The following PACRG variants were observed in gnomAD, a reference collection of about 807,000 sequenced individuals.
The protein encoded by PACRG is parkin coregulated gene protein.
A neutral mutation model predicts 29.7 loss-of-function variants in PACRG; 29 were observed. The ratio of observed to expected loss-of-function variants is 0.98; its 90% CI spans 0.73 to 1.33. The LOEUF is 1.33. Among genes scored for constraint, PACRG ranks in the 40% most tolerant of loss-of-function variants. The pLI is 0.00. For missense variants in PACRG, 279 were observed against 316.2 expected (o/e 0.88, Z 0.89); for synonymous variants, 116 against 118.7 (o/e 0.98, Z 0.15).
At chr6:163,125,037 T>G (rs1037739568) in intron 4 of PACRG, among the ~76,000 whole-genome samples, 1 of 152,294 alleles carries the variant, frequency 6.6e-6, no homozygotes. Context: ...AGCAATGCAA[T>G]TGTGCAACGG....
intron 2 of PACRG, among the ~76,000 whole-genome samples, chr6:162,880,643 C>A (rs1020115179): frequency 6.6e-6 from 1 of 152,168 alleles, no homozygotes; most frequent in Non-Finnish European, 1.5e-5. Context: ...GACTATTAAA[C>A]AAGAATGCTT....
chr6:163,220,578 A>G (rs1781545560), intron 4 of PACRG, among the ~76,000 whole-genome samples: 1 of 152,230 alleles, frequency 6.6e-6, no homozygotes, highest in Non-Finnish European at 1.5e-5. Flanking sequence ...ATGATAAATT[A>G]AATTAGGTAA....
intron 2 of PACRG, among the ~76,000 whole-genome samples, chr6:162,967,865 T>G (rs1415152228): frequency 6.6e-6 from 1 of 152,186 alleles, no homozygotes; most frequent in Non-Finnish European, 1.5e-5. Flanking sequence ...CAAAAATGAG[T>G]CTATCAAACA....
At chr6:162,765,496 GGTGACCT>G (rs1782712593) in intron 1 of PACRG, among the ~76,000 whole-genome samples, 1 of 152,040 alleles carries the variant, frequency 6.6e-6, no homozygotes, top group Admixed American at 6.6e-5. Context: ...CCACTTGACC[GGTGACCT>G]GTGTCCATTC....
intron 4 of PACRG, among the ~76,000 whole-genome samples, chr6:163,177,205 G>C (rs1779403716): frequency 6.6e-6 from 1 of 152,210 alleles, no homozygotes; most frequent in Admixed American, 6.5e-5. Context: ...GGCCCAGGGA[G>C]ATAGAGACAG....
chr6:163,272,988 T>G (rs972737491), intron 4 of PACRG, among the ~76,000 whole-genome samples: 6 of 136,242 alleles, frequency 4.4e-5, no homozygotes, highest in Non-Finnish European at 9.3e-5. Flanking sequence ...GCCTCCCGGG[T>G]TCACGCCATT....
At chr6:163,020,292 G>A (rs1187502582) in intron 2 of PACRG, among the ~76,000 whole-genome samples, 1 of 152,158 alleles carries the variant, frequency 6.6e-6, no homozygotes, top group East Asian at 1.9e-4. Flanking sequence ...CACCTTGTCA[G>A]TTACAGGGAA....
intron 1 of PACRG, among the ~76,000 whole-genome samples, chr6:162,788,351 T>C (rs552174461): frequency 6.6e-6 from 1 of 152,326 alleles, no homozygotes; most frequent in East Asian, 1.9e-4. Context: ...AGCTCATTTG[T>C]TTTTTAGTGC....
intron 3 of PACRG, among the ~76,000 whole-genome samples, chr6:163,065,484 G>C (rs1811457040): frequency 6.6e-6 from 1 of 152,294 alleles, no homozygotes; most frequent in Admixed American, 6.5e-5. Context: ...AGAGGGCAGA[G>C]AGGGGCCAAG....
intron 4 of PACRG, among the ~76,000 whole-genome samples, chr6:163,126,938 G>A (rs1479768740): frequency 6.6e-6 from 1 of 152,156 alleles, no homozygotes; most frequent in Admixed American, 6.5e-5. Context: ...AGGGAGGGTG[G>A]AAACACAGGT....
intron 4 of PACRG, among the ~76,000 whole-genome samples, chr6:163,306,987 T>C (rs974016333): frequency 1.2e-3 from 177 of 152,356 alleles, no homozygotes; most frequent in African/African-American, 4.2e-3. Flanking sequence ...TTGAATAGTA[T>C]AGCTACTAAG....
chr6:163,127,779 C>T (rs1816576482), intron 4 of PACRG, among the ~76,000 whole-genome samples: 1 of 152,174 alleles, frequency 6.6e-6, no homozygotes, highest in Admixed American at 6.5e-5. Flanking sequence ...ACACAATGTG[C>T]CATAACTTCC....
At chr6:163,021,744 T>C (rs1806642457) in intron 2 of PACRG, among the ~76,000 whole-genome samples, 2 of 152,200 alleles carry the variant, frequency 1.3e-5, no homozygotes, top group Admixed American at 6.5e-5. Context: ...TCCCGAATTC[T>C]GCAGTTCCCC....
intron 4 of PACRG, among the ~76,000 whole-genome samples, chr6:163,290,209 C>A (rs959812948): frequency 6.6e-6 from 1 of 152,060 alleles, no homozygotes; most frequent in Non-Finnish European, 1.5e-5. Context: ...CACGGCCAAT[C>A]CCCACCCTGT....
At chr6:163,181,316 C>G (rs56313918) in intron 4 of PACRG, among the ~76,000 whole-genome samples, 1 of 152,204 alleles carries the variant, frequency 6.6e-6, no homozygotes, top group South Asian at 2.1e-4. Context: ...GACCCACACA[C>G]TCAGCCCCGA....
chr6:162,938,614 C>G lies in PACRG; in HGVS notation c.292-123536C>G, dbSNP rs139628186. ...GTGGCTGTACTAGTTTACACTCCCA[C>G]CAGCAGTGTAGAAGTGTTCCCTGTT... On this transcript the variant is annotated intron_variant, in intron 2 of 4. Coordinates refer to ENST00000366888, the MANE Select transcript of PACRG (RefSeq NM_001080379.2). Among the ~76,000 whole-genome samples, 1,368 of 152,284 alleles carry G rather than the reference C, an allele frequency of 9.0e-3. 15 individuals carry two copies. Among genetic ancestry groups the G allele is most frequent in the African/African-American group, 0.024 (996 of 41,554 alleles).
intron 4 of PACRG, among the ~76,000 whole-genome samples, chr6:163,105,735 C>T (rs961257911): frequency 1.3e-5 from 2 of 151,994 alleles, no homozygotes; most frequent in Non-Finnish European, 2.9e-5. Context: ...GGTTAATATC[C>T]AACATTGTGA....
chr6:162,967,985 C>T (rs1000132270), intron 2 of PACRG, among the ~76,000 whole-genome samples: 5 of 152,122 alleles, frequency 3.3e-5, no homozygotes, highest in African/African-American at 1.2e-4. Flanking sequence ...AAATTGGATG[C>T]TATTCACAAA....
chr6:163,305,436 C>T (rs1253016205), intron 4 of PACRG, among the ~76,000 whole-genome samples: 2 of 152,212 alleles, frequency 1.3e-5, no homozygotes, highest in Non-Finnish European at 2.9e-5. Context: ...AGGCGTCCGT[C>T]CACTAAGTAG....
Sources: gnomAD v4.1 joint callset for allele counts (sites outside exome capture counted in the v4.1 genomes callset) on GRCh38, gnomAD v4.1.1 for gene constraint, MANE v1.5 for transcripts, NCBI Gene and HGNC (gene_info 2026-07-23, HGNC 2026-07-21) for gene names.